Variants in CDH13 observed in about 807,000 individuals in gnomAD.
The protein encoded by CDH13 is cadherin-13.
Under a neutral mutation model 63.8 loss-of-function variants are expected in CDH13, and 24 were observed. That is an observed-to-expected ratio of 0.38 (90% CI 0.27 to 0.53). The LOEUF is 0.53. Ranked by LOEUF, CDH13 falls within the 20% of genes least tolerant of loss-of-function variation. The probability of loss-of-function intolerance (pLI) is 0.85; values close to 1 mark genes in which losing one functional copy is unlikely to be tolerated. For missense variants in CDH13, 1,049 were observed against 903.1 expected (o/e 1.16, Z -2.07); for synonymous variants, 503 against 355.3 (o/e 1.42, Z -4.67).
intron 1 of CDH13, among the ~76,000 whole-genome samples, chr16:82,813,828 A>G (rs544486153): frequency 1.1e-4 from 17 of 152,326 alleles, no homozygotes; most frequent in South Asian, 4.1e-4. Context: ...TTGAAGTTCA[A>G]TCAGTCTTGG....
chr16:82,874,119 G>T (rs1278905854), intron 2 of CDH13, among the ~76,000 whole-genome samples: 1 of 152,038 alleles, frequency 6.6e-6, no homozygotes, highest in Non-Finnish European at 1.5e-5. Context: ...AAAACAGGTT[G>T]GCATTTCAAT....
intron 6 of CDH13, among the ~76,000 whole-genome samples, chr16:83,425,639 A>G (rs1225937185): frequency 6.6e-6 from 1 of 152,128 alleles, no homozygotes; most frequent in Non-Finnish European, 1.5e-5. Flanking sequence ...AAACTTCTTT[A>G]TGTCTTTAGT....
At chr16:83,379,184 G>A (rs960153559) in intron 6 of CDH13, among the ~76,000 whole-genome samples, 1 of 152,080 alleles carries the variant, frequency 6.6e-6, no homozygotes, top group Non-Finnish European at 1.5e-5. Flanking sequence ...AATCTCATAA[G>A]CATGCATTCT....
intron 1 of CDH13, among the ~76,000 whole-genome samples, chr16:82,783,281 C>A (rs930500292): frequency 6.6e-6 from 1 of 152,198 alleles, no homozygotes; most frequent in African/African-American, 2.4e-5. Context: ...TTTTCCATAG[C>A]CCAAGCAAGG....
Position 83,486,461 on chromosome 16 carries a change from T to C in CDH13, c.782-16T>C, listed in dbSNP as rs781728459. The C allele has an allele frequency of 2.5e-6, 4 of 1,606,198 alleles. No individual in the cohort carries two copies. The highest frequency in any genetic ancestry group is 3.4e-6 in the Non-Finnish European group (4 of 1,174,836). On this transcript the variant is annotated splice_polypyrimidine_tract_variant and intron_variant, in intron 6 of 13. Transcript: ENST00000567109. ...CATTGATAACCATTCCGTGCCTTTC[T>C]GTCTTGCCCCGGTAGGCACCACAGT... is the stretch of plus-strand genomic sequence containing the variant.
At chr16:83,348,685 C>G (rs1356114870) in intron 6 of CDH13, among the ~76,000 whole-genome samples, 1 of 152,356 alleles carries the variant, frequency 6.6e-6, no homozygotes, top group African/African-American at 2.4e-5. Flanking sequence ...TGACGCTGTG[C>G]TCAGCTATTT....
chr16:82,983,716 C>T (rs770986566), intron 2 of CDH13, among the ~76,000 whole-genome samples: 5 of 152,152 alleles, frequency 3.3e-5, no homozygotes, highest in Non-Finnish European at 7.4e-5. Context: ...AGAGATTGTG[C>T]ATACCATGAA....
At chr16:83,474,951 C>A (rs549464351) in intron 6 of CDH13, among the ~76,000 whole-genome samples, 41 of 152,352 alleles carry the variant, frequency 2.7e-4, no homozygotes, top group Admixed American at 1.0e-3. Flanking sequence ...AAGGCATGTG[C>A]ATTGTTGCCT....
intron 2 of CDH13, among the ~76,000 whole-genome samples, chr16:82,862,263 G>A (rs1271276763): frequency 6.6e-6 from 1 of 152,186 alleles, no homozygotes; most frequent in Admixed American, 6.5e-5. Flanking sequence ...AAGATCCCCA[G>A]TCTTAGAAGA....
At chr16:83,660,012 C>T (rs1256950281) in intron 8 of CDH13, among the ~76,000 whole-genome samples, 3 of 152,024 alleles carry the variant, frequency 2.0e-5, no homozygotes, top group African/African-American at 4.8e-5. Context: ...GCCTCGAACT[C>T]CTGACCTCAG....
intron 1 of CDH13, among the ~76,000 whole-genome samples, chr16:82,636,494 A>T (rs530851112): frequency 2.0e-5 from 3 of 152,316 alleles, no homozygotes. Flanking sequence ...TATTTGAGAG[A>T]AACATTGCCA....
intron 6 of CDH13, among the ~76,000 whole-genome samples, chr16:83,478,836 G>GAAAAAAAAAAAAAA (rs374669824): frequency 2.7e-5 from 3 of 112,304 alleles, no homozygotes; most frequent in African/African-American, 3.3e-5. Context: ...TTGAAGATGA[G>GAAAAAAAAAAAAAA]AAAAAAAAAA....
chr16:83,175,213 A>C (rs2038078130), intron 4 of CDH13, among the ~76,000 whole-genome samples: 1 of 152,252 alleles, frequency 6.6e-6, no homozygotes, highest in South Asian at 2.1e-4. Flanking sequence ...ATAACACATA[A>C]GATATTGGCA....
intron 2 of CDH13, among the ~76,000 whole-genome samples, chr16:82,866,888 A>G (rs1464456824): frequency 3.9e-5 from 6 of 152,174 alleles, no homozygotes; most frequent in Admixed American, 1.3e-4. Flanking sequence ...CCATGATTCA[A>G]TGACCTCCCC....
At chr16:82,676,395 T>G (rs1385152107) in intron 1 of CDH13, among the ~76,000 whole-genome samples, 1 of 152,132 alleles carries the variant, frequency 6.6e-6, no homozygotes, top group Non-Finnish European at 1.5e-5. Context: ...ATTAAAATTC[T>G]GTTGATTTTG....
At chr16:82,757,871 G>C (rs188218823) in intron 1 of CDH13, among the ~76,000 whole-genome samples, 94 of 152,124 alleles carry the variant, frequency 6.2e-4, no homozygotes, top group African/African-American at 2.2e-3. Flanking sequence ...AGATGGTCTC[G>C]ATTTCTTGAC....
chr16:83,179,409 C>T (rs999646835), intron 4 of CDH13, among the ~76,000 whole-genome samples: 6 of 147,420 alleles, frequency 4.1e-5, no homozygotes, highest in Non-Finnish European at 8.9e-5. Flanking sequence ...TTTGGGAGGC[C>T]GAGGTGGGTG....
At chr16:83,389,420 C>T (rs1277147492) in intron 6 of CDH13, among the ~76,000 whole-genome samples, 1 of 152,130 alleles carries the variant, frequency 6.6e-6, no homozygotes, top group Non-Finnish European at 1.5e-5. Flanking sequence ...ATAATTTTCC[C>T]ATTTGACCCC....
At position 83,523,002 on chromosome 16, in the gene CDH13, G is replaced by C. The variant is rs150595290; in HGVS notation, c.960+36347G>C. Reference sequence around the variant, plus strand: ...ACTTTCTTCCTTTATGTCCTCACCTGGCTGAATTATACTCACCCTTCAGTT... The same window carrying C: ...ACTTTCTTCCTTTATGTCCTCACCTCGCTGAATTATACTCACCCTTCAGTT... On this transcript the variant is annotated intron_variant, in intron 7 of 13. Coordinates refer to ENST00000567109, the MANE Select transcript of CDH13 (RefSeq NM_001257.5). 8.9e-3 allele frequency among the ~76,000 whole-genome samples: 1,356 copies of C among 152,222 alleles called. 14 individuals carry two copies. Among genetic ancestry groups the C allele is most frequent in the African/African-American group, 0.031 (1,267 of 41,516 alleles).
Sources: allele counts gnomAD v4.1 joint callset (sites outside exome capture counted in the v4.1 genomes callset), GRCh38; gene constraint gnomAD v4.1.1; transcripts MANE v1.5; gene names NCBI Gene and HGNC (gene_info 2026-07-23, HGNC 2026-07-21).